SLC36A2: variants seen among roughly 807,000 people sequenced by gnomAD.
The protein encoded by SLC36A2 is proton-coupled amino acid transporter 2.
A neutral mutation model predicts 42.7 loss-of-function variants in SLC36A2; 39 were observed. The ratio of observed to expected loss-of-function variants is 0.91; its 90% CI spans 0.71 to 1.19. The LOEUF (loss-of-function observed/expected upper bound fraction) is 1.19, where lower values mean the gene tolerates loss of function less well. Ranked by LOEUF, SLC36A2 falls within the 50% of genes most tolerant of loss-of-function variation. The pLI, the probability that SLC36A2 is intolerant of heterozygous loss-of-function variation, is 0.00. For missense variants in SLC36A2, 590 were observed against 613.7 expected (o/e 0.96, Z 0.41); for synonymous variants, 237 against 240.8 (o/e 0.98, Z 0.15).
chr5:151,332,749 A>C (rs894097470), intron 7 of SLC36A2, among the ~76,000 whole-genome samples: 1 of 152,228 alleles, frequency 6.6e-6, no homozygotes, highest in Non-Finnish European at 1.5e-5. Flanking sequence ...CTTGAAACTT[A>C]CAGGAATGTA....
Position 151,325,300 on chromosome 5 carries a change from G to T in SLC36A2, c.996C>A (p.Asn332Lys). The change falls in exon 8 of 10, where the codon AAC (asparagine) becomes AAA (lysine). Residue 332 changes from asparagine (N) to lysine (K), a missense_variant. Physicochemically the swap from Asn to Lys is moderately conservative, Grantham distance 94. Coordinates refer to ENST00000335244, the MANE Select transcript of SLC36A2 (RefSeq NM_181776.3). ...GDDIKASISL[N>K]LPNCWLYQSV... The stretch of plus-strand genomic sequence containing the variant: ...CATGAAGATACCAGCAGTTAGGCAG[G>T]TTAAGGCTTATGCTGGCCTTGATGT... The T allele has an allele frequency of 6.2e-7, 1 of 1,613,540 alleles. No individual in the cohort carries two copies. Among genetic ancestry groups the T allele is most frequent in the Non-Finnish European group, 8.5e-7 (1 of 1,179,776 alleles).
At chr5:151,317,382 G>A (rs535983581) in intron 9 of SLC36A2, among the ~76,000 whole-genome samples, 4 of 150,528 alleles carry the variant, frequency 2.7e-5, no homozygotes, top group African/African-American at 4.9e-5. Context: ...AACCTGGGAG[G>A]TGGAGGTTGC....
At position 151,342,898 on chromosome 5, in the gene SLC36A2, G is replaced by C; in HGVS notation, c.430C>G (p.His144Asp). 2 of 1,614,060 alleles carry C rather than the reference G, an allele frequency of 1.2e-6. No homozygotes were observed. Among genetic ancestry groups the C allele is most frequent in the Non-Finnish European group, 1.7e-6 (2 of 1,179,936 alleles). Residue 144 changes from histidine to aspartate, a missense_variant, in exon 4 of 10, where the codon CAC (histidine) becomes GAC (aspartate). Physicochemically the swap from His to Asp is moderately conservative, Grantham distance 81 (BLOSUM62 -1). Coordinates refer to ENST00000335244, the MANE Select transcript of SLC36A2 (RefSeq NM_181776.3). ...GCAAGAACAGGTTACCTTCCCCAGT[G>C]AGCGTGATTCTGGAGCCAGGCGTTG... Reference protein sequence around the residue: ...NPNAWLQNHAHWGRHIVSFFL... With the variant: ...NPNAWLQNHADWGRHIVSFFL...
rs184974720 is a variant in SLC36A2, at chr5:151,325,595, T to C, written c.844-143A>G. 3.7e-5 allele frequency: 34 copies of C among 910,884 alleles called. No individual in the cohort carries two copies. In the East Asian group the frequency reaches 8.1e-4, roughly 22 times the overall value. 56.4% of individuals were successfully genotyped at this position (910,884 alleles called of 1,614,324 possible). ...TGTACACTTATGTTCACAGTAGTGC[T>C]ATTCACATAGCCAAAAGGTGGAAGC... On this transcript the variant is annotated intron_variant, in intron 7 of 9. Coordinates refer to ENST00000335244, the MANE Select transcript of SLC36A2 (RefSeq NM_181776.3).
intron 4 of SLC36A2, among the ~76,000 whole-genome samples, chr5:151,340,895 A>G (rs1756326080): frequency 1.3e-5 from 2 of 152,208 alleles, no homozygotes; most frequent in Admixed American, 1.3e-4. Context: ...GCACTTTATG[A>G]CACATTGTAG....
intron 3 of SLC36A2, among the ~76,000 whole-genome samples, chr5:151,343,187 G>A (rs1756396263): frequency 6.6e-6 from 1 of 152,172 alleles, no homozygotes. Context: ...AGACTACACA[G>A]CAAGAGTCTA....
Position 151,316,673 on chromosome 5 carries a change from G to A in SLC36A2, c.*144C>T, listed in dbSNP as rs1458822537. ...GAGAATCGCTTGAACCCAGGAGGCCGAAGTTGTGGTGAGCTGAGATCGCAT... is the reference window on the plus strand; with the variant it reads ...GAGAATCGCTTGAACCCAGGAGGCCAAAGTTGTGGTGAGCTGAGATCGCAT... On this transcript the variant is annotated 3_prime_UTR_variant, in exon 10 of 10. Coordinates refer to ENST00000335244, the MANE Select transcript of SLC36A2 (RefSeq NM_181776.3). The A allele has an allele frequency of 4.8e-6, 5 of 1,047,448 alleles. No homozygotes were observed. In the African/African-American group the frequency reaches 5.3e-5, roughly 11 times the overall value. 64.9% of individuals were successfully genotyped at this position (1,047,448 alleles called of 1,614,324 possible).
chr5:151,324,991 A>T (rs1286760489), intron 8 of SLC36A2, among the ~76,000 whole-genome samples: 25 of 152,144 alleles, frequency 1.6e-4, no homozygotes, highest in Admixed American at 1.6e-3. Flanking sequence ...GCCATCTCCC[A>T]GTGCCCTTCC....
intron 6 of SLC36A2, among the ~76,000 whole-genome samples, chr5:151,334,835 T>A (rs558927206): frequency 2.0e-5 from 3 of 152,290 alleles, no homozygotes; most frequent in Non-Finnish European, 4.4e-5. Context: ...AGTTTTTTTT[T>A]AAATTAGTAA....
At chr5:151,324,391 G>C (rs914987872) in intron 8 of SLC36A2, among the ~76,000 whole-genome samples, 3 of 151,888 alleles carry the variant, frequency 2.0e-5, no homozygotes, top group African/African-American at 4.8e-5. Context: ...GGAGTTCAAT[G>C]GCACCATCTT....
Position 151,316,925 on chromosome 5 carries a change from G to A in SLC36A2, c.1344C>T (p.Ser448=). The A allele has an allele frequency of 1.2e-6, 2 of 1,614,104 alleles. No individual in the cohort carries two copies. The highest frequency in any genetic ancestry group is 1.3e-5 in the African/African-American group (1 of 75,028). The change falls in exon 10 of 10, where the codon AGC becomes AGT. Residue 448 remains serine, a synonymous_variant. Coordinates refer to ENST00000335244, the MANE Select transcript of SLC36A2 (RefSeq NM_181776.3). ...CCACAAAGCCCACGAAGCCCAGGAT[G>A]CTGATCAGGGCGTCCTTGAAGATGG... ...PLTIFKDALI[S]ILGFVGFVVG...
At chr5:151,318,376 A>C (rs907603709) in intron 9 of SLC36A2, among the ~76,000 whole-genome samples, 1 of 149,844 alleles carries the variant, frequency 6.7e-6, no homozygotes, top group Non-Finnish European at 1.5e-5. Flanking sequence ...AATTTTTTAG[A>C]AGTCTTCTAA....
At chr5:151,321,590 A>G (rs1243326004) in intron 9 of SLC36A2, among the ~76,000 whole-genome samples, 1 of 152,218 alleles carries the variant, frequency 6.6e-6, no homozygotes, top group Admixed American at 6.5e-5. Flanking sequence ...AGATGAGTGA[A>G]TACTTGTAAA....
At chr5:151,345,623 A>G (rs1173004019) in intron 1 of SLC36A2, among the ~76,000 whole-genome samples, 2 of 152,044 alleles carry the variant, frequency 1.3e-5, no homozygotes, top group African/African-American at 2.4e-5. Context: ...CGAGCACTAC[A>G]CCCTACTCGC....
At position 151,335,551 on chromosome 5, in the gene SLC36A2, A is replaced by T. The variant is rs1210300451; in HGVS notation, c.526-4T>A. On this transcript the variant is annotated splice_region_variant and splice_polypyrimidine_tract_variant and intron_variant, in intron 5 of 9. Coordinates refer to ENST00000335244, the MANE Select transcript of SLC36A2 (RefSeq NM_181776.3). ...TGCTATTAACAGCTTCCACTACCTGAGGAAGGAATGGGAGAGGCAAAAGGG... is the reference window on the plus strand; with the variant it reads ...TGCTATTAACAGCTTCCACTACCTGTGGAAGGAATGGGAGAGGCAAAAGGG... 1 of 1,602,518 alleles carries T rather than the reference A, an allele frequency of 6.2e-7. No individual in the cohort carries two copies. Among genetic ancestry groups the T allele is most frequent in the Non-Finnish European group, 8.6e-7 (1 of 1,169,474 alleles).
chr5:151,338,539 G>A (rs950627926), intron 5 of SLC36A2: 8 of 155,816 alleles, frequency 5.1e-5, no homozygotes, highest in African/African-American at 1.9e-4. Flanking sequence ...AGCCAGACAT[G>A]GTAGCACACA....
At chr5:151,329,897 G>A (rs1030812124) in intron 7 of SLC36A2, among the ~76,000 whole-genome samples, 1 of 152,150 alleles carries the variant, frequency 6.6e-6, no homozygotes, top group African/African-American at 2.4e-5. Flanking sequence ...CAAAACTGCA[G>A]TATTCATGGG....
Position 151,317,050 on chromosome 5 carries a change from T to TG in SLC36A2, c.1218dup (p.Ile407HisfsTer118). On this transcript the variant is annotated frameshift_variant, in exon 10 of 10. Transcript: ENST00000335244. LOFTEE classifies it high-confidence loss of function. ...CCACTCACGGAGCCCACCAGGGAGA[T>TG]GACCAGGTCCAGGCGGGGGATGAGG... 6.2e-7 allele frequency: 1 copy of TG among 1,614,038 alleles called. No homozygotes were observed. Among genetic ancestry groups the TG allele is most frequent in the Non-Finnish European group, 8.5e-7 (1 of 1,180,008 alleles).
At chr5:151,317,228 G>A (rs768533688) in intron 9 of SLC36A2, 140 bp from the exon 10 acceptor site, 3 of 1,071,466 alleles carry the variant, frequency 2.8e-6, no homozygotes, top group Non-Finnish European at 4.1e-6. Context: ...TAGATGGGTG[G>A]ATCACTGAAG....
Sources: gnomAD v4.1 joint callset for allele counts (sites outside exome capture counted in the v4.1 genomes callset) on GRCh38, gnomAD v4.1.1 for gene constraint, MANE v1.5 for transcripts, NCBI Gene and HGNC (gene_info 2026-07-23, HGNC 2026-07-21) for gene names.